The following PEX14 variants were observed in gnomAD, a reference collection of about 807,000 sequenced individuals.
The protein encoded by PEX14 is peroxisomal membrane protein PEX14.
A neutral mutation model predicts 49.5 loss-of-function variants in PEX14; 15 were observed. That is an observed-to-expected ratio of 0.30 (90% CI 0.20 to 0.47). PEX14 has a LOEUF of 0.47. Ranked by LOEUF, PEX14 falls within the 20% of genes least tolerant of loss-of-function variation. The pLI is 1.00. For missense variants in PEX14, 398 were observed against 494.8 expected (o/e 0.80, Z 1.86); for synonymous variants, 210 against 212.7 (o/e 0.99, Z 0.11).
intron 3 of PEX14, among the ~76,000 whole-genome samples, chr1:10,574,778 A>G (rs927821282): frequency 3.3e-5 from 5 of 152,180 alleles, no homozygotes; most frequent in Non-Finnish European, 7.3e-5. Context: ...AGTTGAAAAT[A>G]AGGGATGGGC....
intron 4 of PEX14, among the ~76,000 whole-genome samples, chr1:10,604,845 T>G (rs1272334053): frequency 6.6e-6 from 1 of 152,186 alleles, no homozygotes; most frequent in African/African-American, 2.4e-5. Flanking sequence ...TCTCAGCAGG[T>G]GCCATGAGGT....
At chr1:10,509,337 G>A (rs886985267) in intron 2 of PEX14, among the ~76,000 whole-genome samples, 3 of 152,170 alleles carry the variant, frequency 2.0e-5, no homozygotes, top group Non-Finnish European at 2.9e-5. Flanking sequence ...AAGAAATAAC[G>A]AGAAATAGTG....
chr1:10,550,264 A>G (rs1639297848), intron 3 of PEX14, among the ~76,000 whole-genome samples: 1 of 152,232 alleles, frequency 6.6e-6, no homozygotes, highest in South Asian at 2.1e-4. Flanking sequence ...CAAAGACTCC[A>G]AGGCAGGAAA....
intron 3 of PEX14, among the ~76,000 whole-genome samples, chr1:10,544,982 C>T (rs772164558): frequency 6.6e-5 from 10 of 152,116 alleles, no homozygotes; most frequent in East Asian, 3.9e-4. Flanking sequence ...AGGCTGGTCT[C>T]GATCTCCTGG....
At chr1:10,558,171 A>G (rs1287149709) in intron 3 of PEX14, among the ~76,000 whole-genome samples, 1 of 152,086 alleles carries the variant, frequency 6.6e-6, no homozygotes, top group African/African-American at 2.4e-5. Context: ...ACAAAAATAT[A>G]AAAATTTTGT....
In PEX14 at chr1:10,627,286, C is replaced by T. The variant is rs1375932150; in HGVS notation, c.600C>T (p.Thr200=). 6.2e-7 allele frequency: 1 copy of T among 1,613,404 alleles called. No individual in the cohort carries two copies. Among genetic ancestry groups the T allele is most frequent in the Admixed American group, 1.7e-5 (1 of 60,032 alleles). ...ELAAAKATTS[T]NWILESQNIN... is the part of the protein sequence containing the mutation. The stretch of plus-strand genomic sequence containing the variant: ...TCTGCTTTCAGGCCACCACATCCAC[C>T]AACTGGATCCTGGAGTCCCAGAATA... Residue 200 remains threonine, a synonymous_variant, in exon 8 of 9, where the codon ACC becomes ACT. Coordinates refer to ENST00000356607, the MANE Select transcript of PEX14 (RefSeq NM_004565.3).
chr1:10,517,381 C>A (rs1411297126), intron 2 of PEX14, among the ~76,000 whole-genome samples: 1 of 152,094 alleles, frequency 6.6e-6, no homozygotes. Flanking sequence ...CTGATCGGGT[C>A]GGTTCACCCT....
At chr1:10,617,456 C>T (rs969302592) in intron 4 of PEX14, among the ~76,000 whole-genome samples, 1 of 152,174 alleles carries the variant, frequency 6.6e-6, no homozygotes, top group African/African-American at 2.4e-5. Flanking sequence ...CACCTGGTGC[C>T]ACCTGTCTAC....
intron 3 of PEX14, among the ~76,000 whole-genome samples, chr1:10,569,392 A>G (rs1639906278): frequency 6.6e-6 from 1 of 152,110 alleles, no homozygotes; most frequent in Non-Finnish European, 1.5e-5. Flanking sequence ...ACCATCAAAG[A>G]CATCAGGCAA....
At chr1:10,604,750 T>C (rs1030851085) in intron 4 of PEX14, among the ~76,000 whole-genome samples, 1 of 152,226 alleles carries the variant, frequency 6.6e-6, no homozygotes, top group Non-Finnish European at 1.5e-5. Context: ...TGTTTTACTT[T>C]GAAATGCATC....
chr1:10,545,653 G>A (rs2124500370), intron 3 of PEX14, among the ~76,000 whole-genome samples: 1 of 152,320 alleles, frequency 6.6e-6, no homozygotes. Context: ...TAGCTGTGTG[G>A]TCCTGCATAA....
At chr1:10,518,019 A>G (rs1007411978) in intron 2 of PEX14, among the ~76,000 whole-genome samples, 38 of 152,122 alleles carry the variant, frequency 2.5e-4, no homozygotes, top group Admixed American at 2.4e-3. Context: ...TTTCCATGTG[A>G]ACCCTGAGTT....
In PEX14 at chr1:10,497,850, T is replaced by G. The variant is rs185881040; in HGVS notation, c.84+2529T>G. On this transcript the variant is annotated intron_variant, in intron 2 of 8. Coordinates refer to ENST00000356607, the MANE Select transcript of PEX14 (RefSeq NM_004565.3). ...AAGCTTCGGGAAATACATATTCTTT[T>G]TGTTTTTAACTGAATGCATATTTTT... 2.0e-4 allele frequency among the ~76,000 whole-genome samples: 30 copies of G among 152,380 alleles called. No individual in the cohort carries two copies. The East Asian group carries it at 5.8e-3, about 29-fold the overall frequency.
At chr1:10,581,945 C>T (rs1036422559) in intron 3 of PEX14, among the ~76,000 whole-genome samples, 17 of 151,398 alleles carry the variant, frequency 1.1e-4, no homozygotes, top group African/African-American at 4.1e-4. Context: ...TTAATTATTG[C>T]TGGTACATAG....
intron 3 of PEX14, among the ~76,000 whole-genome samples, chr1:10,561,466 A>C (rs1379339441): frequency 1.3e-5 from 2 of 152,204 alleles, no homozygotes; most frequent in African/African-American, 4.8e-5. Context: ...CCTCTTGATA[A>C]GATTAAGATT....
At chr1:10,618,500 G>C in intron 5 of PEX14, 83 bp downstream of exon 5, 3 of 1,064,942 alleles carry the variant, frequency 2.8e-6, no homozygotes, top group South Asian at 1.3e-5. Flanking sequence ...CCCCTGCATG[G>C]AGGCACTGCC....
intron 3 of PEX14, among the ~76,000 whole-genome samples, chr1:10,545,643 T>C (rs982712615): frequency 8.5e-5 from 13 of 152,250 alleles, no homozygotes; most frequent in African/African-American, 2.4e-4. Flanking sequence ...CACCACTCTT[T>C]AGCTGTGTGG....
At chr1:10,519,622 G>A (rs1642031630) in intron 2 of PEX14, among the ~76,000 whole-genome samples, 1 of 152,222 alleles carries the variant, frequency 6.6e-6, no homozygotes, top group Admixed American at 6.5e-5. Flanking sequence ...AATTGGAAGT[G>A]TGCAGCCTGT....
rs1239507203 is a variant in PEX14, at chr1:10,536,227, G to T, written c.99G>T (p.Val33=). The T allele has an allele frequency of 6.2e-7, 1 of 1,608,862 alleles. No homozygotes were observed. Among genetic ancestry groups the T allele is most frequent in the East Asian group, 2.2e-5 (1 of 44,858 alleles). The change falls in exon 3 of 9, where the codon GTG becomes GTT. Residue 33 remains valine (V), a synonymous_variant. Transcript: ENST00000356607. ...LPREPLIATA[V]KFLQNSRVRQ... ...TCTCTCACCAGATTGCCACGGCAGT[G>T]AAGTTTCTACAGAATTCCCGGGTCC...
Sources: allele counts gnomAD v4.1 joint callset (sites outside exome capture counted in the v4.1 genomes callset), GRCh38; gene constraint gnomAD v4.1.1; transcripts MANE v1.5; gene names NCBI Gene and HGNC (gene_info 2026-07-23, HGNC 2026-07-21).